Variants in FLNA observed in about 807,000 individuals in gnomAD.
FLNA encodes the protein filamin A.
A neutral mutation model predicts 157.6 loss-of-function variants in FLNA; 7 were observed. The ratio of observed to expected loss-of-function variants is 0.04; its 90% CI spans 0.03 to 0.08. The LOEUF (loss-of-function observed/expected upper bound fraction) is 0.08. Ranked by LOEUF, FLNA falls within the 10% of genes least tolerant of loss-of-function variation. FLNA has a pLI of 1.00. For synonymous variants in FLNA, 1,103 were observed against 1,060.8 expected, an observed-to-expected ratio of 1.04 and a Z score of -0.77; for missense variants, 1,750 against 2,398.4, an observed-to-expected ratio of 0.73 and a Z score of 5.65.
rs1401374229 is a variant in FLNA, at chrX:154,357,104, C to T, written c.4969+147G>A. The T allele has an allele frequency of 9.1e-6, 5 of 550,629 alleles. No individual in the cohort carries two copies. The African/African-American group carries it at 9.3e-5, about 10-fold the overall frequency. 45.4% of individuals were successfully genotyped at this position (550,629 alleles called of 1,213,427 possible). A position where few individuals can be genotyped will look rare whatever the true frequency, so the allele number is the denominator to read the frequency against. On this transcript the variant is annotated intron_variant, in intron 30 of 47. Coordinates refer to ENST00000369850, the MANE Select transcript of FLNA (RefSeq NM_001110556.2). ...GCCTCCCTGGGCCCTCGCCCTCCAG[C>T]CCACGGCCTCATCTTCTGCACCCCA...
In FLNA at chrX:154,349,444, G is replaced by A; in HGVS notation, c.7674C>T (p.Ser2558=). The change falls in exon 47 of 48, where the codon AGC becomes AGT. Residue 2558 remains serine (S), a synonymous_variant. Coordinates refer to ENST00000369850, the MANE Select transcript of FLNA (RefSeq NM_001110556.2). ...GCCCCAGGCCCTTGGCCACCACCTT[G>A]CTGGCGTCAGCAGGCCCAGGACCCG... is the stretch of plus-strand genomic sequence containing the variant. ...GAPGPGPADA[S]KVVAKGLGLS... The A allele has an allele frequency of 8.3e-7, 1 of 1,212,054 alleles. No homozygotes were observed. The highest frequency in any genetic ancestry group is 1.1e-6 in the Non-Finnish European group (1 of 895,514).
At chrX:154,367,800 G>A (rs782383670) in intron 3 of FLNA, 42 bp downstream of exon 3, 6 of 1,210,588 alleles carry the variant, frequency 5.0e-6, no homozygotes, top group Non-Finnish European at 6.7e-6. Context: ...GCCACCCATG[G>A]GTGACCCCAG....
rs782402511 is a variant in FLNA, at chrX:154,352,615, C to T, written c.6440G>A (p.Arg2147Lys). 14 of 1,211,712 alleles carry T rather than the reference C, an allele frequency of 1.2e-5. No individual in the cohort carries two copies. The South Asian group carries it at 2.3e-4, about 20-fold the overall frequency. Residue 2147 changes from arginine (R) to lysine (K), a missense_variant, in exon 40 of 48, where the codon AGG becomes AAG. Arg to Lys is a conservative substitution (Grantham distance 26). Coordinates refer to ENST00000369850, the MANE Select transcript of FLNA (RefSeq NM_001110556.2). ...GTTGGCCACTGAAGGAGCCCGACGC[C>T]TGCGGGTGATGCTCTCTTTCACCCG... is the stretch of plus-strand genomic sequence containing the variant. ...EGRVKESITR[R>K]RRAPSVANVG...
At chrX:154,358,722 G>A in intron 26 of FLNA, 154 bp from the exon 27 acceptor site, 8 of 731,689 alleles carry the variant, frequency 1.1e-5, no homozygotes, top group South Asian at 2.3e-5. Context: ...CCTCTGGCAC[G>A]AAAGACACCC....
In FLNA at chrX:154,354,276, G is replaced by A; in HGVS notation, c.5432C>T (p.Pro1811Leu). The change falls in exon 34 of 48, where the codon CCC becomes CTC. Residue 1811 changes from proline to leucine, a missense_variant. Transcript: ENST00000369850. ...GGTGGGCTGCGCCACCTTGCCTGAG[G>A]GCATCCGAACCTCCCCTGTGGGGCA... ...KGEITGEVRM[P>L]SGKVAQPTIT... 8.3e-7 allele frequency: 1 copy of A among 1,211,866 alleles called. No homozygotes were observed. The highest frequency in any genetic ancestry group is 1.1e-6 in the Non-Finnish European group (1 of 895,659).
At chrX:154,350,604 C>T in intron 44 of FLNA, 1 of 388,652 alleles carries the variant, frequency 2.6e-6, no homozygotes, top group East Asian at 4.5e-5. Context: ...CACAAGGCTG[C>T]CCCAGGCCTG....
intron 1 of FLNA, among the ~76,000 whole-genome samples, chrX:154,372,879 G>T (rs2067818820): frequency 8.9e-6 from 1 of 112,046 alleles, no homozygotes; most frequent in South Asian, 3.6e-4. Context: ...TGTAGCCCTG[G>T]GTGTCTACAT....
chrX:154,348,864 G>A lies in FLNA; in HGVS notation c.7929C>T (p.Arg2643=), dbSNP rs782493799. The change falls in exon 48 of 48, where the codon CGC becomes CGT. Residue 2643 remains arginine (R), a synonymous_variant. Transcript: ENST00000369850. ...GDEHIPGSPY[R]VVVP The stretch of plus-strand genomic sequence containing the variant: ...GGCCCCAGACTCAGGGCACCACAAC[G>A]CGGTAGGGGCTGCCTGGGATGTGCT... The A allele has an allele frequency of 1.9e-5, 23 of 1,206,553 alleles. No individual in the cohort carries two copies. The highest frequency in any genetic ancestry group is 1.3e-4 in the Admixed American group (6 of 45,768).
rs782554380 is a variant in FLNA at position 154,348,715 on chromosome X, C to T, written c.*134G>A. The T allele has an allele frequency of 1.8e-3, 1,020 of 566,393 alleles. 18 individuals carry two copies. The South Asian group carries it at 0.03, about 17-fold the overall frequency. 46.7% of individuals were successfully genotyped at this position (566,393 alleles called of 1,213,427 possible). On this transcript the variant is annotated 3_prime_UTR_variant, in exon 48 of 48. Coordinates refer to ENST00000369850, the MANE Select transcript of FLNA (RefSeq NM_001110556.2). The stretch of plus-strand genomic sequence containing the variant: ...GCTGGGGAGGCAGGTGAGCGCAGCA[C>T]GGCACAGGGCAGGGGCGGCTGCAGT...
Position 154,350,197 on chromosome X carries a change from A to G in FLNA, c.7167T>C (p.Ala2389=). 1 of 1,211,705 alleles carries G rather than the reference A, an allele frequency of 8.3e-7. No individual in the cohort carries two copies. The highest frequency in any genetic ancestry group is 1.1e-6 in the Non-Finnish European group (1 of 895,296). ...YVTEIDQDKY[A]VRFIPRENGV... is the part of the protein sequence containing the mutation. ...CATTCTCCCGAGGGATGAAGCGCAC[A>G]GCATACTTATCTGAGGAGCAGGGAG... The change falls in exon 45 of 48, where the codon GCT becomes GCC. Residue 2389 remains alanine (A), a synonymous_variant. Transcript: ENST00000369850.
At chrX:154,365,081 G>A (rs1476598654) in intron 11 of FLNA, 55 bp downstream of exon 11, 1 of 1,209,428 alleles carries the variant, frequency 8.3e-7, no homozygotes, top group Non-Finnish European at 1.1e-6. Flanking sequence ...GGAGGCAGAA[G>A]GAAGAGAAGA....
At chrX:154,355,198 C>T (rs2067653744) in intron 30 of FLNA, 126 bp from the exon 31 acceptor site, 2 of 726,290 alleles carry the variant, frequency 2.8e-6, no homozygotes, top group Non-Finnish European at 4.0e-6. Flanking sequence ...GGCCGCCAGG[C>T]CTCCTGCCCC....
chrX:154,353,810 C>T (rs1358145744), intron 35 of FLNA, 83 bp from the exon 36 acceptor site: 1 of 1,191,782 alleles, frequency 8.4e-7, no homozygotes, highest in African/African-American at 1.8e-5. Context: ...ATGGCCAGGG[C>T]AGCAGGGCAG....
Position 154,361,228 on chromosome X carries a change from T to C in FLNA, c.3207+80A>G, listed in dbSNP as rs782089012. 3.9e-4 allele frequency: 358 copies of C among 920,664 alleles called. 3 individuals are homozygous for C. The South Asian group carries it at 6.7e-3, about 17-fold the overall frequency. The allele number at this position is 920,664 out of a possible 1,213,427, so 75.9% of individuals were successfully genotyped here. A position where few individuals can be genotyped will look rare whatever the true frequency, so the allele number is the denominator to read the frequency against. On this transcript the variant is annotated intron_variant, in intron 21 of 47. Coordinates refer to ENST00000369850, the MANE Select transcript of FLNA (RefSeq NM_001110556.2). ...AAAAAAAAAAAGGATTTAGGGCAGG[T>C]CTGGAGAAGATGGGGTACCTTTGGG...
intron 30 of FLNA, 93 bp downstream of exon 30, chrX:154,357,158 G>A: frequency 1.1e-6 from 1 of 896,348 alleles, no homozygotes; most frequent in Non-Finnish European, 1.6e-6. Flanking sequence ...TAGAGCTGCA[G>A]CTGGAACTGT....
At chrX:154,359,461 C>T (rs371919219) in intron 24 of FLNA, 23 bp downstream of exon 24, 42 of 1,210,546 alleles carry the variant, frequency 3.5e-5, no homozygotes, top group East Asian at 8.9e-5. Flanking sequence ...ACCAGCCACA[C>T]GGGCTCCTGG....
At chrX:154,365,078 G>A in intron 11 of FLNA, 58 bp downstream of exon 11, 1 of 1,207,451 alleles carries the variant, frequency 8.3e-7, no homozygotes, top group Non-Finnish European at 1.1e-6. Context: ...TGGGGAGGCA[G>A]AAGGAAGAGA....
chrX:154,359,470 G>A lies in FLNA; in HGVS notation c.4142+14C>T, dbSNP rs1168375401. 7.4e-6 allele frequency: 9 copies of A among 1,209,878 alleles called. No homozygotes were observed. The highest frequency in any genetic ancestry group is 7.0e-5 in the African/African-American group (4 of 57,258). ...AGGCCCACCAGCCACACGGGCTCCT[G>A]GGGGCTCCCTTACCTGGTCTCCACA... On this transcript the variant is annotated intron_variant, in intron 24 of 47. Coordinates refer to ENST00000369850, the MANE Select transcript of FLNA (RefSeq NM_001110556.2).
intron 15 of FLNA, among the ~76,000 whole-genome samples, chrX:154,363,041 C>A (rs942911867): frequency 1.8e-5 from 2 of 112,752 alleles, no homozygotes; most frequent in African/African-American, 6.4e-5. Flanking sequence ...CAAAGGCAAG[C>A]TCATCCTCAA....
Sources: allele counts gnomAD v4.1 joint callset (sites outside exome capture counted in the v4.1 genomes callset), GRCh38; gene constraint gnomAD v4.1.1; transcripts MANE v1.5; gene names NCBI Gene and HGNC (gene_info 2026-07-23, HGNC 2026-07-21).